PALM2AKAP2: variants seen among roughly 807,000 people sequenced by gnomAD.
PALM2AKAP2 encodes PALM2-AKAP2 fusion protein.
A neutral mutation model predicts 71.5 loss-of-function variants in PALM2AKAP2; 37 were observed. The ratio of observed to expected loss-of-function variants is 0.52; its 90% CI spans 0.40 to 0.68. The LOEUF (loss-of-function observed/expected upper bound fraction) is 0.68, where lower values mean the gene tolerates loss of function less well. PALM2AKAP2 is among the 30% of genes least tolerant of loss of function. The pLI is 0.00. For synonymous variants in PALM2AKAP2, 468 were observed against 478.8 expected (o/e 0.98, Z 0.29); for missense variants, 1,224 against 1,191.8 (o/e 1.03, Z -0.40).
rs55754108 is a variant in PALM2AKAP2 at position 109,762,920 on chromosome 9, G to A, written c.6-17568G>A. On this transcript the variant is annotated intron_variant, in intron 1 of 6. Coordinates refer to the PALM2AKAP2 transcript ENST00000374531. ...GAACAGAAACCAGAGTAAACATTAG[G>A]ATTTTAGGGTCAGGAAAGAGCTCAA... Among the ~76,000 whole-genome samples, 979 of 152,222 alleles carry A rather than the reference G, an allele frequency of 6.4e-3. 3 individuals carry two copies. Among genetic ancestry groups the A allele is most frequent in the Non-Finnish European group, 9.6e-3 (652 of 68,004 alleles).
intron 1 of PALM2AKAP2, among the ~76,000 whole-genome samples, chr9:109,782,257 A>G (rs1823427312): frequency 6.6e-6 from 1 of 152,200 alleles, no homozygotes; most frequent in African/African-American, 2.4e-5. Flanking sequence ...TTGAGCATAT[A>G]AGAATACACA....
exon 1 of PALM2AKAP2, chr9:109,780,469 C>T: frequency 6.2e-7 from 1 of 1,613,256 alleles, no homozygotes; most frequent in Non-Finnish European, 8.5e-7. Context: ...CTTTCCCCTG[C>T]CTGTGTGCCC....
chr9:110,045,188 T>G (rs1259439985), upstream of PALM2AKAP2, among the ~76,000 whole-genome samples: 1 of 152,140 alleles, frequency 6.6e-6, no homozygotes, highest in East Asian at 1.9e-4. Context: ...TAAAAAAATT[T>G]CCATGGAAGA....
intron 1 of PALM2AKAP2, among the ~76,000 whole-genome samples, chr9:109,655,187 T>A (rs1031654406): frequency 6.6e-6 from 1 of 151,430 alleles, no homozygotes; most frequent in African/African-American, 2.4e-5. Context: ...TCCCAGCTAC[T>A]CGGGAGGCTG....
At chr9:109,912,755 C>T (rs548240585) in intron 3 of PALM2AKAP2, among the ~76,000 whole-genome samples, 42 of 152,178 alleles carry the variant, frequency 2.8e-4, no homozygotes, top group Admixed American at 1.9e-3. Context: ...ATAGATAGAT[C>T]GATGAGGTTA....
At chr9:109,741,582 T>C (rs755460023) in intron 1 of PALM2AKAP2, among the ~76,000 whole-genome samples, 20 of 152,192 alleles carry the variant, frequency 1.3e-4, no homozygotes, top group Admixed American at 8.5e-4. Context: ...ACCAGCAAAG[T>C]GTAAGAGCTT....
chr9:110,161,288 C>T (rs994850881), intron 3 of PALM2AKAP2, among the ~76,000 whole-genome samples: 2 of 152,152 alleles, frequency 1.3e-5, no homozygotes, highest in African/African-American at 4.8e-5. Flanking sequence ...ATGCCCCAAA[C>T]CAATAAATGC....
chr9:109,738,823 AT>A (rs1489934317), intron 1 of PALM2AKAP2, among the ~76,000 whole-genome samples: 1 of 152,226 alleles, frequency 6.6e-6, no homozygotes, highest in South Asian at 2.1e-4. Flanking sequence ...GATTAAAAAA[AT>A]GTCTAGTTTT....
At position 109,654,750 on chromosome 9, in the gene PALM2AKAP2, G is replaced by GGTGTGTGTGTGTGTGTGTGTGTGT. The variant is rs374397482; in HGVS notation, c.5+13889_5+13912dup. Reference sequence around the variant, plus strand: ...TAGAGGTGCCTGTATGTATGTGTATGGTGTGTGTGTGTGTGTGTGTGTGTG... The same window carrying GGTGTGTGTGTGTGTGTGTGTGTGT: ...TAGAGGTGCCTGTATGTATGTGTATGGTGTGTGTGTGTGTGTGTGTGTGTGTGTGTGTGTGTGTGTGTGTGTGTG... On this transcript the variant is annotated intron_variant, in intron 1 of 6. Transcript: ENST00000374531. Among the ~76,000 whole-genome samples the GGTGTGTGTGTGTGTGTGTGTGTGT allele has an allele frequency of 2.0e-5, 3 of 147,194 alleles. No homozygotes were observed. In the South Asian group the frequency reaches 6.6e-4, roughly 33 times the overall value.
intron 1 of PALM2AKAP2, among the ~76,000 whole-genome samples, chr9:109,676,224 G>A (rs550028652): frequency 7.9e-5 from 12 of 152,192 alleles, no homozygotes; most frequent in East Asian, 1.9e-4. Context: ...AAAAAATTGG[G>A]CAGCTTTATC....
intron 1 of PALM2AKAP2, among the ~76,000 whole-genome samples, chr9:109,709,255 G>A (rs1224165423): frequency 6.6e-6 from 1 of 152,216 alleles, no homozygotes; most frequent in Non-Finnish European, 1.5e-5. Flanking sequence ...ACCCTGTGTA[G>A]TTATCTTGTC....
rs1395421894 is a variant in PALM2AKAP2 at position 110,004,226 on chromosome 9, T to C, written c.497-11728T>C. 2.0e-5 allele frequency among the ~76,000 whole-genome samples: 3 copies of C among 152,212 alleles called. No homozygotes were observed. In the East Asian group the frequency reaches 5.8e-4, roughly 29 times the overall value. The stretch of plus-strand genomic sequence containing the variant: ...AGGAGCTCTTTTAGGGCAGGCCTGG[T>C]GGTGACAAAATCTCTCAGCATTTGC... On this transcript the variant is annotated intron_variant, in intron 6 of 9. Transcript: ENST00000302798.
intron 1 of PALM2AKAP2, among the ~76,000 whole-genome samples, chr9:109,705,447 A>G (rs910990742): frequency 1.3e-5 from 2 of 152,010 alleles, no homozygotes; most frequent in African/African-American, 2.4e-5. Context: ...CATCGCTACT[A>G]TGTGTCACTT....
chr9:110,014,804 ATGTATATATATAT>A (rs1166728760), intron 6 of PALM2AKAP2, among the ~76,000 whole-genome samples: 65 of 4,290 alleles, frequency 0.015, 5 homozygotes, highest in East Asian at 0.08. Flanking sequence ...AAAAAAAAAA[ATGTATATATATAT>A]ATATATATAT....
At chr9:110,016,940 T>C (rs939707926) in intron 7 of PALM2AKAP2, among the ~76,000 whole-genome samples, 18 of 152,170 alleles carry the variant, frequency 1.2e-4, no homozygotes, top group East Asian at 1.9e-4. Context: ...AGTGCAGTGG[T>C]GCGATCTCGG....
At chr9:109,938,757 G>A (rs952905624) in intron 6 of PALM2AKAP2, among the ~76,000 whole-genome samples, 6 of 152,126 alleles carry the variant, frequency 3.9e-5, no homozygotes, top group Non-Finnish European at 8.8e-5. Context: ...GGCCGGGTGC[G>A]GTAGCTCACG....
chr9:109,975,913 ATGCC>A (rs1459662355), intron 6 of PALM2AKAP2, among the ~76,000 whole-genome samples: 1 of 152,244 alleles, frequency 6.6e-6, no homozygotes, highest in Non-Finnish European at 1.5e-5. Flanking sequence ...AGTATGTCCC[ATGCC>A]CCATGCCTCA....
At chr9:109,943,708 C>T (rs755378031) in intron 6 of PALM2AKAP2, 44 of 352,188 alleles carry the variant, frequency 1.2e-4, no homozygotes, top group Non-Finnish European at 2.0e-4. Flanking sequence ...ATGGACTCTT[C>T]GTATCAGCCA....
chr9:110,021,439 G>A (rs1004493268), intron 7 of PALM2AKAP2, among the ~76,000 whole-genome samples: 12 of 152,206 alleles, frequency 7.9e-5, no homozygotes, highest in Non-Finnish European at 1.0e-4. Flanking sequence ...GTGTGTGGTA[G>A]TTTGTTATGG....
Sources: allele counts gnomAD v4.1 joint callset (sites outside exome capture counted in the v4.1 genomes callset), GRCh38; gene constraint gnomAD v4.1.1; transcripts MANE v1.5; gene names NCBI Gene and HGNC (gene_info 2026-07-23, HGNC 2026-07-21).